The following PADI1 variants were observed in gnomAD, a reference collection of about 807,000 sequenced individuals.
PADI1 encodes protein-arginine deiminase type-1.
Under a neutral mutation model 74.8 loss-of-function variants are expected in PADI1, and 65 were observed. The observed-to-expected ratio is 0.87, with a 90% CI of 0.71 to 1.07. The LOEUF (loss-of-function observed/expected upper bound fraction) is 1.07. Ranked by LOEUF, PADI1 falls within the 50% of genes least tolerant of loss-of-function variation. The probability of loss-of-function intolerance (pLI) is 0.00; values close to 1 mark genes in which losing one functional copy is unlikely to be tolerated. For missense variants in PADI1, 943 were observed against 854.0 expected (o/e 1.10, Z -1.30); for synonymous variants, 371 against 336.2 (o/e 1.10, Z -1.13).
intron 12 of PADI1, 101 bp from the exon 13 acceptor site, chr1:17,238,515 A>C: frequency 2.1e-6 from 1 of 479,732 alleles, no homozygotes; most frequent in Non-Finnish European, 3.6e-6. Context: ...GGGAGAGGGG[A>C]GTCCCAAGAA....
chr1:17,223,503 G>A lies in PADI1; in HGVS notation c.274-118G>A, dbSNP rs988605057. 1.2e-5 allele frequency: 9 copies of A among 772,162 alleles called. No individual in the cohort carries two copies. In the East Asian group the frequency reaches 1.3e-4, roughly 11 times the overall value. 47.8% of individuals were successfully genotyped at this position (772,162 alleles called of 1,614,324 possible). A position where few individuals can be genotyped will look rare whatever the true frequency, so the allele number is the denominator to read the frequency against. On this transcript the variant is annotated intron_variant, in intron 2 of 15. Coordinates refer to ENST00000375471, the MANE Select transcript of PADI1 (RefSeq NM_013358.3). ...TGAGTCTTGGGACTTCAGAGACTGG[G>A]GGGGTCTCCAGGCCTCCTGTGCCTC... is the stretch of plus-strand genomic sequence containing the variant.
rs559142819 is a variant in PADI1 at position 17,229,098 on chromosome 1, G to C, written c.929+47G>C. 65 of 1,233,074 alleles carry C rather than the reference G, an allele frequency of 5.3e-5. No homozygotes were observed. In the African/African-American group the frequency reaches 8.9e-4, roughly 17 times the overall value. The allele number at this position is 1,233,074 out of a possible 1,614,324, so 76.4% of individuals were successfully genotyped here. Reference sequence around the variant, plus strand: ...CCTCCCCCAAGTCTGGAGTGCAGAGGTAGGGACAGAAGCTGCCTCAGGGCT... The same window carrying C: ...CCTCCCCCAAGTCTGGAGTGCAGAGCTAGGGACAGAAGCTGCCTCAGGGCT... On this transcript the variant is annotated intron_variant, in intron 8 of 15. Transcript: ENST00000375471.
chr1:17,226,694 AC>A (rs2072322655), intron 6 of PADI1, among the ~76,000 whole-genome samples: 1 of 152,142 alleles, frequency 6.6e-6, no homozygotes, highest in Admixed American at 6.5e-5. Flanking sequence ...GAGGCGGATC[AC>A]CTGAGGTCAG....
intron 10 of PADI1, among the ~76,000 whole-genome samples, chr1:17,231,996 T>C (rs1167579921): frequency 6.6e-6 from 1 of 152,114 alleles, no homozygotes; most frequent in Non-Finnish European, 1.5e-5. Flanking sequence ...TGGAGTGCAA[T>C]GGCGCGATCT....
Position 17,244,628 on chromosome 1 carries a change from AACGGGGCCTGGGGG to A in PADI1, c.*388_*401del, listed in dbSNP as rs2072847628. On this transcript the variant is annotated 3_prime_UTR_variant, in exon 16 of 16. Transcript: ENST00000375471. ...ATAATGACTTTGCATCTGCACCTGG[AACGGGGCCTGGGGG>A]ACCTGGGGTCTGGTGTGCCAGGCAC... The A allele has an allele frequency of 2.7e-6, 1 of 367,992 alleles. No homozygotes were observed. The highest frequency in any genetic ancestry group is 3.4e-5 in the Admixed American group (1 of 29,674). 22.8% of individuals were successfully genotyped at this position (367,992 alleles called of 1,614,324 possible).
At chr1:17,238,110 G>A (rs148140624) in intron 12 of PADI1, among the ~76,000 whole-genome samples, 3,216 of 152,296 alleles carry the variant, frequency 0.021, 115 homozygotes, top group African/African-American at 0.072. Context: ...GTGCAATAGC[G>A]CGATCTTGGC....
chr1:17,230,695 T>G lies in PADI1; in HGVS notation c.1161+16T>G. 2.7e-6 allele frequency: 4 copies of G among 1,483,580 alleles called. No homozygotes were observed. The highest frequency in any genetic ancestry group is 3.7e-6 in the Non-Finnish European group (4 of 1,066,874). The allele number at this position is 1,483,580 out of a possible 1,614,324, so 91.9% of individuals were successfully genotyped here. Reference sequence around the variant, plus strand: ...GAGGATCCTGGTACGTAGCGACAGGTAGAGTGCAGAAACCCTGGTTGGGTC... The same window carrying G: ...GAGGATCCTGGTACGTAGCGACAGGGAGAGTGCAGAAACCCTGGTTGGGTC... On this transcript the variant is annotated intron_variant, in intron 10 of 15. Transcript: ENST00000375471.
At chr1:17,237,194 CCA>C (rs2072664236) in intron 11 of PADI1, 118 bp from the exon 12 acceptor site, 1 of 1,177,956 alleles carries the variant, frequency 8.5e-7, no homozygotes. Flanking sequence ...GCTCTACGCC[CCA>C]CGTTTAAAGC....
chr1:17,228,556 C>A, intron 6 of PADI1, 69 bp from the exon 7 acceptor site: 1 of 1,554,662 alleles, frequency 6.4e-7, no homozygotes, highest in Non-Finnish European at 8.9e-7. Context: ...GGGGCTCTGT[C>A]CTGGATTCCT....
chr1:17,215,680 G>A (rs556739134), intron 1 of PADI1, among the ~76,000 whole-genome samples: 16 of 152,110 alleles, frequency 1.1e-4, no homozygotes, highest in Admixed American at 2.0e-4. Flanking sequence ...CCACCTCCCC[G>A]CTGGGCAGTC....
At chr1:17,232,197 CG>C (rs2072508152) in intron 10 of PADI1, among the ~76,000 whole-genome samples, 1 of 152,178 alleles carries the variant, frequency 6.6e-6, no homozygotes, top group Non-Finnish European at 1.5e-5. Context: ...CCACCCACCT[CG>C]GTCTCCCAAA....
chr1:17,239,632 A>G (rs1457552515), intron 13 of PADI1, 72 bp from the exon 14 acceptor site: 3 of 1,130,284 alleles, frequency 2.7e-6, no homozygotes, highest in Non-Finnish European at 4.0e-6. Context: ...GGCCTGGATT[A>G]TGTAGCCCCA....
At chr1:17,242,505 G>GT (rs2072797567) in intron 15 of PADI1, among the ~76,000 whole-genome samples, 2 of 152,228 alleles carry the variant, frequency 1.3e-5, no homozygotes, top group South Asian at 4.1e-4. Context: ...CTGGCTGAAG[G>GT]TGGCGGGGAG....
At position 17,229,013 on chromosome 1, in the gene PADI1, G is replaced by C. The variant is rs2977234; in HGVS notation, c.891G>C (p.Thr297=). 9.1e-5 allele frequency: 145 copies of C among 1,586,218 alleles called. No homozygotes were observed. In the South Asian group the frequency reaches 1.5e-3, roughly 16 times the overall value. ...TCCGCATGGCCCCCTGGATCATGAC[G>C]CCCAACACTCAGCCTCCTGAGGAGC... ...VGFRMAPWIM[T]PNTQPPEELY... Residue 297 remains threonine (T), a synonymous_variant, in exon 8 of 16, where the codon ACG becomes ACC. Transcript: ENST00000375471.
chr1:17,238,566 T>C, intron 12 of PADI1, 50 bp from the exon 13 acceptor site: 1 of 1,039,366 alleles, frequency 9.6e-7, no homozygotes, highest in Non-Finnish European at 1.3e-6. Flanking sequence ...GGGTCTCCTG[T>C]GTCTAAGGGG....
Position 17,224,393 on chromosome 1 carries a change from C to G in PADI1, c.373C>G (p.Arg125Gly). 1 of 1,613,908 alleles carries G rather than the reference C, an allele frequency of 6.2e-7. No individual in the cohort carries two copies. The highest frequency in any genetic ancestry group is 1.1e-5 in the South Asian group (1 of 91,028). Residue 125 changes from arginine (R) to glycine (G), a missense_variant, in exon 4 of 16, where the codon CGC (arginine) becomes GGC (glycine). By Grantham distance (125) the Arg-to-Gly change is moderately radical (BLOSUM62 -2). Coordinates refer to ENST00000375471, the MANE Select transcript of PADI1 (RefSeq NM_013358.3). ...VDISLEVDTG[R>G]TGKVKRSQGD... is the part of the protein sequence containing the mutation. ...TATTTCCCTTGAGGTTGACACAGGC[C>G]GCACAGGCAAGGTGAAGAGGAGCCA...
At chr1:17,213,251 G>A (rs769019314) in intron 1 of PADI1, among the ~76,000 whole-genome samples, 2 of 150,100 alleles carry the variant, frequency 1.3e-5, no homozygotes, top group African/African-American at 2.5e-5. Context: ...CTCCAAGCCT[G>A]CCTTTCTTCA....
intron 1 of PADI1, among the ~76,000 whole-genome samples, chr1:17,220,231 G>A (rs948083405): frequency 2.6e-5 from 4 of 152,062 alleles, no homozygotes; most frequent in Non-Finnish European, 4.4e-5. Flanking sequence ...TTGCTTTGGG[G>A]GGTTGTGATG....
At position 17,240,733 on chromosome 1, in the gene PADI1, C is replaced by A; in HGVS notation, c.1731C>A (p.Phe577Leu). ...CCCAGCTCTTCTTCCTGAAAAACTT[C>A]TACGCGGAAGCCTTCTTCCCAGACA... Reference protein sequence around the residue: ...DIPQLFFLKNFYAEAFFPDMV... With the variant: ...DIPQLFFLKNLYAEAFFPDMV... The change falls in exon 15 of 16, where the codon TTC (phenylalanine) becomes TTA (leucine). Residue 577 changes from phenylalanine (F) to leucine (L), a missense_variant. Coordinates refer to ENST00000375471, the MANE Select transcript of PADI1 (RefSeq NM_013358.3). 1 of 1,614,072 alleles carries A rather than the reference C, an allele frequency of 6.2e-7. No homozygotes were observed.
Sources: allele counts gnomAD v4.1 joint callset (sites outside exome capture counted in the v4.1 genomes callset), GRCh38; gene constraint gnomAD v4.1.1; transcripts MANE v1.5; gene names NCBI Gene and HGNC (gene_info 2026-07-23, HGNC 2026-07-21).